Variants in ROBO1 observed in about 807,000 individuals in gnomAD.
ROBO1 encodes roundabout homolog 1.
A neutral mutation model predicts 195.9 loss-of-function variants in ROBO1; 149 were observed. The observed-to-expected ratio is 0.76, with a 90% confidence interval of 0.67 to 0.87. The LOEUF (loss-of-function observed/expected upper bound fraction) is 0.87, where lower values mean the gene tolerates loss of function less well. Among genes scored for constraint, ROBO1 ranks in the 40% least tolerant of loss-of-function variants. ROBO1 has a pLI of 0.00. For synonymous variants in ROBO1, 816 were observed against 733.2 expected (o/e 1.11, Z -1.82); for missense variants, 1,933 against 2,068.3 (o/e 0.93, Z 1.27).
At chr3:79,558,750 T>A (rs1172703057) in intron 2 of ROBO1, among the ~76,000 whole-genome samples, 2 of 152,198 alleles carry the variant, frequency 1.3e-5, no homozygotes, top group Admixed American at 6.5e-5. Flanking sequence ...TACTTAAACA[T>A]TATTTTAAAA....
chr3:79,756,208 C>T (rs1425029903), intron 1 of ROBO1, among the ~76,000 whole-genome samples: 2 of 152,108 alleles, frequency 1.3e-5, no homozygotes, highest in Admixed American at 6.5e-5. Flanking sequence ...TTCTATGGTG[C>T]TATCTTTAAA....
chr3:78,903,992 C>A (rs559921982), intron 4 of ROBO1, among the ~76,000 whole-genome samples: 1 of 152,110 alleles, frequency 6.6e-6, no homozygotes, highest in Non-Finnish European at 1.5e-5. Context: ...TCTCAGAACA[C>A]TGTTGTAGGA....
intron 2 of ROBO1, among the ~76,000 whole-genome samples, chr3:79,161,902 A>G (rs769050575): frequency 3.3e-5 from 5 of 152,232 alleles, no homozygotes; most frequent in Non-Finnish European, 5.9e-5. Context: ...TTTCAAAATA[A>G]TACATACCAT....
At chr3:78,713,285 T>C (rs1267350639) in intron 8 of ROBO1, among the ~76,000 whole-genome samples, 3 of 152,110 alleles carry the variant, frequency 2.0e-5, no homozygotes, top group African/African-American at 7.2e-5. Context: ...TTTTTTCTAG[T>C]GTAAAAAGCC....
chr3:78,883,852 G>T (rs1392994753), intron 4 of ROBO1, among the ~76,000 whole-genome samples: 1 of 152,076 alleles, frequency 6.6e-6, no homozygotes, highest in Non-Finnish European at 1.5e-5. Flanking sequence ...AGAGATTTCA[G>T]AGTGTAACAC....
chr3:78,854,377 CATATA>C (rs1036385818), intron 4 of ROBO1, among the ~76,000 whole-genome samples: 6 of 148,564 alleles, frequency 4.0e-5, no homozygotes, highest in Admixed American at 6.8e-5. Flanking sequence ...TAAATACATA[CATATA>C]ATATATATGT....
At chr3:79,735,803 G>A (rs1274290332) in intron 1 of ROBO1, among the ~76,000 whole-genome samples, 5 of 151,326 alleles carry the variant, frequency 3.3e-5, no homozygotes, top group South Asian at 4.2e-4. Context: ...CCTGGGAGGC[G>A]GAGCTTGCAG....
At chr3:79,141,492 G>A (rs1014581408) in intron 2 of ROBO1, among the ~76,000 whole-genome samples, 6 of 151,892 alleles carry the variant, frequency 4.0e-5, no homozygotes, top group Non-Finnish European at 5.9e-5. Flanking sequence ...AAGCGCAGTC[G>A]AGGCTTACCC....
intron 2 of ROBO1, among the ~76,000 whole-genome samples, chr3:79,459,424 T>C (rs2039727099): frequency 6.6e-6 from 1 of 151,918 alleles, no homozygotes; most frequent in Non-Finnish European, 1.5e-5. Flanking sequence ...ACAGGCATTG[T>C]CAACAGATTA....
At chr3:78,851,986 C>T (rs2034097245) in intron 4 of ROBO1, among the ~76,000 whole-genome samples, 1 of 151,426 alleles carries the variant, frequency 6.6e-6, no homozygotes, top group African/African-American at 2.4e-5. Flanking sequence ...CCATTTATGG[C>T]CAGTTATCAA....
intron 3 of ROBO1, among the ~76,000 whole-genome samples, chr3:79,065,242 C>G (rs1347956707): frequency 2.0e-5 from 3 of 151,914 alleles, no homozygotes; most frequent in Non-Finnish European, 2.9e-5. Flanking sequence ...TGTGTGGGTA[C>G]AAAGCATATT....
chr3:79,315,212 T>C (rs2033679064), intron 2 of ROBO1, among the ~76,000 whole-genome samples: 1 of 152,106 alleles, frequency 6.6e-6, no homozygotes, highest in Admixed American at 6.6e-5. Flanking sequence ...GAGGCTGAGG[T>C]GGGAGGATCC....
intron 2 of ROBO1, among the ~76,000 whole-genome samples, chr3:79,237,970 C>T (rs2082445082): frequency 6.6e-6 from 1 of 152,136 alleles, no homozygotes; most frequent in African/African-American, 2.4e-5. Flanking sequence ...GCAGTGCGGT[C>T]TTCTGTCACA....
rs1366551427 is a variant in ROBO1, at chr3:78,963,739, G to C, written c.173-24812C>G. 2.0e-5 allele frequency among the ~76,000 whole-genome samples: 3 copies of C among 151,690 alleles called. No homozygotes were observed. In the South Asian group the frequency reaches 6.2e-4, roughly 32 times the overall value. On this transcript the variant is annotated intron_variant, in intron 3 of 30. Coordinates refer to ENST00000464233, the MANE Select transcript of ROBO1 (RefSeq NM_002941.4). ...TCACCGTGTTAGCCAGGATGGTCTC[G>C]ATCTCCTGACCTCGTGATCCACCCG... is the stretch of plus-strand genomic sequence containing the variant.
chr3:79,724,630 C>G (rs1702838850), intron 1 of ROBO1, among the ~76,000 whole-genome samples: 1 of 152,158 alleles, frequency 6.6e-6, no homozygotes, highest in Non-Finnish European at 1.5e-5. Context: ...GAAACTGAGT[C>G]CCTCAGTCTA....
At position 79,151,280 on chromosome 3, in the gene ROBO1, C is replaced by T. The variant is rs74872874; in HGVS notation, c.89-25741G>A. Among the ~76,000 whole-genome samples the T allele has an allele frequency of 7.8e-4, 118 of 151,760 alleles. No individual in the cohort carries two copies. The East Asian group carries it at 0.019, about 24-fold the overall frequency. ...AGAATGGACTAATAATACATACATG[C>T]CAAATCTCACCAAAGAATGCAATCC... On this transcript the variant is annotated intron_variant, in intron 2 of 30. Transcript: ENST00000464233.
chr3:79,180,606 C>A (rs969360013), intron 2 of ROBO1, among the ~76,000 whole-genome samples: 1 of 152,138 alleles, frequency 6.6e-6, no homozygotes, highest in Non-Finnish European at 1.5e-5. Flanking sequence ...CCCCACCATA[C>A]CTATATACCA....
intron 1 of ROBO1, among the ~76,000 whole-genome samples, chr3:79,728,231 G>A (rs1703003835): frequency 6.6e-6 from 1 of 151,814 alleles, no homozygotes; most frequent in East Asian, 1.9e-4. Context: ...CTATGAAGTT[G>A]ATATAAATGA....
chr3:79,286,024 C>T (rs1031837888), intron 2 of ROBO1, among the ~76,000 whole-genome samples: 5 of 152,086 alleles, frequency 3.3e-5, no homozygotes, highest in Non-Finnish European at 7.4e-5. Context: ...TAAATGTGAG[C>T]TACGTATAAA....
Sources: allele counts gnomAD v4.1 joint callset (sites outside exome capture counted in the v4.1 genomes callset), GRCh38; gene constraint gnomAD v4.1.1; transcripts MANE v1.5; gene names NCBI Gene and HGNC (gene_info 2026-07-23, HGNC 2026-07-21).